ARHGAP28: variants seen among roughly 807,000 people sequenced by gnomAD.
The protein encoded by ARHGAP28 is Rho GTPase activating protein 28.
Under a neutral mutation model 90.7 loss-of-function variants are expected in ARHGAP28, and 56 were observed. That is an observed-to-expected ratio of 0.62 (90% CI 0.50 to 0.77). ARHGAP28 has a LOEUF of 0.77. Ranked by LOEUF, ARHGAP28 falls within the 30% of genes least tolerant of loss-of-function variation. ARHGAP28 has a pLI of 0.00. For missense variants in ARHGAP28, 869 were observed against 900.9 expected, an observed-to-expected ratio of 0.96 and a Z score of 0.45; for synonymous variants, 308 against 323.3, an observed-to-expected ratio of 0.95 and a Z score of 0.51.
At chr18:6,844,321 C>A (rs1431659444) in intron 3 of ARHGAP28, among the ~76,000 whole-genome samples, 4 of 152,128 alleles carry the variant, frequency 2.6e-5, no homozygotes, top group Non-Finnish European at 5.9e-5. Flanking sequence ...AATCCAGTTT[C>A]TTTTTGTCTT....
intron 2 of ARHGAP28, among the ~76,000 whole-genome samples, chr18:6,827,266 G>C (rs1355773620): frequency 2.0e-5 from 3 of 151,754 alleles, no homozygotes; most frequent in Non-Finnish European, 4.4e-5. Flanking sequence ...AGGGGCGGCC[G>C]GGCTGAGGCG....
chr18:6,729,811 C>A lies in ARHGAP28; in HGVS notation c.-11C>A. 7.1e-7 allele frequency: 1 copy of A among 1,400,888 alleles called. No homozygotes were observed. Among genetic ancestry groups the A allele is most frequent in the East Asian group, 3.1e-5 (1 of 32,486 alleles). The allele number at this position is 1,400,888 out of a possible 1,614,324, so 86.8% of individuals were successfully genotyped here. ...GTTCTGGGGCCGGCGCCGAGACATG[C>A]GCGGCTGACGATGGAGGTGGAGGAC... On this transcript the variant is annotated 5_prime_UTR_variant, in exon 1 of 18. Coordinates refer to ENST00000383472, the MANE Select transcript of ARHGAP28 (RefSeq NM_001366230.1).
chr18:6,819,322 GA>G (rs1222427351), intron 1 of ARHGAP28, among the ~76,000 whole-genome samples: 10 of 150,358 alleles, frequency 6.7e-5, no homozygotes, highest in South Asian at 2.1e-4. Flanking sequence ...GTAGCAGCTA[GA>G]AAAAAAAAGG....
chr18:6,846,362 C>G (rs377451218), intron 3 of ARHGAP28, among the ~76,000 whole-genome samples: 1 of 152,010 alleles, frequency 6.6e-6, no homozygotes, highest in Non-Finnish European at 1.5e-5. Context: ...ATGTGGGGCA[C>G]TCTATCTGGA....
At chr18:6,817,684 C>T (rs190498990) in intron 1 of ARHGAP28, among the ~76,000 whole-genome samples, 82 of 152,296 alleles carry the variant, frequency 5.4e-4, no homozygotes, top group Non-Finnish European at 1.1e-3. Context: ...GCTTTTCTCT[C>T]ATAATGGGCA....
chr18:6,894,036 T>G (rs2057286809), intron 14 of ARHGAP28, among the ~76,000 whole-genome samples: 1 of 151,878 alleles, frequency 6.6e-6, no homozygotes, highest in South Asian at 2.1e-4. Flanking sequence ...TCGGCTAATT[T>G]TTTTGTATTT....
intron 3 of ARHGAP28, among the ~76,000 whole-genome samples, chr18:6,846,245 G>C (rs929111492): frequency 2.6e-5 from 4 of 152,162 alleles, no homozygotes; most frequent in Non-Finnish European, 4.4e-5. Flanking sequence ...ATTCTTTGCT[G>C]TTCCAAGAAT....
chr18:6,911,624 T>C (rs951171448), intron 17 of ARHGAP28, among the ~76,000 whole-genome samples: 1 of 151,784 alleles, frequency 6.6e-6, no homozygotes, highest in African/African-American at 2.4e-5. Context: ...TTAGTAGACA[T>C]GGGGTTTCAC....
chr18:6,771,408 C>T (rs2056241786), intron 1 of ARHGAP28, among the ~76,000 whole-genome samples: 1 of 152,090 alleles, frequency 6.6e-6, no homozygotes, highest in South Asian at 2.1e-4. Flanking sequence ...TTCTTGTCCT[C>T]TCTAAAATGT....
In ARHGAP28 at chr18:6,780,879, G is replaced by A. The variant is rs192716263; in HGVS notation, c.123-43883G>A. 1.0e-3 allele frequency among the ~76,000 whole-genome samples: 145 copies of A among 144,054 alleles called. No homozygotes were observed. The Middle Eastern group carries it at 0.011, about 11-fold the overall frequency. 94.5% of individuals were successfully genotyped at this position (144,054 alleles called of 152,430 possible). A position where few individuals can be genotyped will look rare whatever the true frequency, so the allele number is the denominator to read the frequency against. On this transcript the variant is annotated intron_variant, in intron 1 of 17. Coordinates refer to ENST00000383472, the MANE Select transcript of ARHGAP28 (RefSeq NM_001366230.1). ...TTGCACTCCAGCCTAGGCAACAAGAGCAAAACTCCGTCTCCAAAAAAAAAA... is the reference window on the plus strand; with the variant it reads ...TTGCACTCCAGCCTAGGCAACAAGAACAAAACTCCGTCTCCAAAAAAAAAA...
intron 16 of ARHGAP28, chr18:6,898,751 A>G: frequency 3.9e-6 from 5 of 1,274,246 alleles, no homozygotes; most frequent in Non-Finnish European, 5.0e-6. Context: ...ATCTTTTATA[A>G]CAACTTGTTC....
intron 2 of ARHGAP28, 69 bp downstream of exon 2, chr18:6,825,033 A>G: frequency 7.5e-7 from 1 of 1,331,682 alleles, no homozygotes. Flanking sequence ...TACTCTGTTC[A>G]TAGGCAGAAA....
At chr18:6,762,056 G>T (rs4077790) in intron 1 of ARHGAP28, among the ~76,000 whole-genome samples, 1 of 151,922 alleles carries the variant, frequency 6.6e-6, no homozygotes, top group Non-Finnish European at 1.5e-5. Flanking sequence ...GGTAGCATAG[G>T]GATCATTCTC....
At chr18:6,831,090 C>A (rs917718657) in intron 2 of ARHGAP28, among the ~76,000 whole-genome samples, 8 of 152,138 alleles carry the variant, frequency 5.3e-5, no homozygotes, top group Non-Finnish European at 1.0e-4. Context: ...ATCATTGCAA[C>A]ACTTGATGCT....
At chr18:6,821,191 A>T (rs1167631777) in intron 1 of ARHGAP28, among the ~76,000 whole-genome samples, 1 of 152,174 alleles carries the variant, frequency 6.6e-6, no homozygotes, top group Non-Finnish European at 1.5e-5. Context: ...AGTAATAAAG[A>T]TCTCTGGTAT....
At chr18:6,760,354 A>G (rs1199082156) in intron 1 of ARHGAP28, among the ~76,000 whole-genome samples, 1 of 152,188 alleles carries the variant, frequency 6.6e-6, no homozygotes, top group African/African-American at 2.4e-5. Context: ...ACCAGACTAC[A>G]ATCCCCATCA....
At chr18:6,910,285 C>G (rs2057389120) in intron 17 of ARHGAP28, among the ~76,000 whole-genome samples, 1 of 152,228 alleles carries the variant, frequency 6.6e-6, no homozygotes, top group Admixed American at 6.5e-5. Context: ...TATTTCTTGT[C>G]CTCTCAGCCT....
At chr18:6,902,151 A>G (rs1270115147) in intron 16 of ARHGAP28, among the ~76,000 whole-genome samples, 3 of 152,204 alleles carry the variant, frequency 2.0e-5, no homozygotes, top group East Asian at 3.8e-4. Context: ...GCACCGTGCA[A>G]TTACTAAATG....
intron 1 of ARHGAP28, among the ~76,000 whole-genome samples, chr18:6,772,375 C>T (rs2056250010): frequency 6.6e-6 from 1 of 152,146 alleles, no homozygotes; most frequent in Admixed American, 6.5e-5. Context: ...TGGGATGTTT[C>T]TCTATAGAAA....
Sources: gnomAD v4.1 joint callset for allele counts (sites outside exome capture counted in the v4.1 genomes callset) on GRCh38, gnomAD v4.1.1 for gene constraint, MANE v1.5 for transcripts, NCBI Gene and HGNC (gene_info 2026-07-23, HGNC 2026-07-21) for gene names.